Variants in TRPM4 observed in about 807,000 individuals in gnomAD.
TRPM4 encodes transient receptor potential cation channel subfamily M member 4.
In TRPM4, 124 loss-of-function variants were observed where a neutral mutation model predicts 135.6. The ratio of observed to expected loss-of-function variants is 0.91; its 90% CI spans 0.79 to 1.06. The LOEUF (loss-of-function observed/expected upper bound fraction) is 1.06, where lower values mean the gene tolerates loss of function less well. TRPM4 is among the 50% of genes least tolerant of loss of function. The pLI is 0.00. For synonymous variants in TRPM4, 745 were observed against 705.6 expected (o/e 1.06, Z -0.88); for missense variants, 1,658 against 1,671.4 (o/e 0.99, Z 0.14).
chr19:49,158,379 G>A, intron 2 of TRPM4, 120 bp downstream of exon 2: 1 of 929,180 alleles, frequency 1.1e-6, no homozygotes, highest in Non-Finnish European at 1.8e-6. Context: ...CTTCCCAAGG[G>A]CGTTCCTTGC....
intron 12 of TRPM4, among the ~76,000 whole-genome samples, chr19:49,184,336 C>A (rs1297490177): frequency 1.3e-5 from 2 of 149,270 alleles, no homozygotes; most frequent in East Asian, 4.0e-4. Context: ...ATTCACTGAT[C>A]TTTATTTTGC....
At chr19:49,208,352 T>TC (rs1969227363) in intron 20 of TRPM4, among the ~76,000 whole-genome samples, 1 of 151,882 alleles carries the variant, frequency 6.6e-6, no homozygotes, top group Non-Finnish European at 1.5e-5. Context: ...AGACTCCCTT[T>TC]CCCGGTCTGC....
Position 49,171,913 on chromosome 19 carries a change from C to A in TRPM4, c.1051-96C>A. 2 of 1,370,560 alleles carry A rather than the reference C, an allele frequency of 1.5e-6. No homozygotes were observed. The highest frequency in any genetic ancestry group is 1.2e-5 in the South Asian group (1 of 85,426). 84.9% of individuals were successfully genotyped at this position (1,370,560 alleles called of 1,614,324 possible). A position where few individuals can be genotyped will look rare whatever the true frequency, so the allele number is the denominator to read the frequency against. On this transcript the variant is annotated intron_variant, in intron 8 of 24. Coordinates refer to ENST00000252826, the MANE Select transcript of TRPM4 (RefSeq NM_017636.4). This position sits in a 1 kb window ranked among gnomAD's most constrained non-coding sequence, Gnocchi z 4.7. Reference sequence around the variant, plus strand: ...GTGCTGGGCATATAGACTATTAGGTCCTGGAGGGGAATGGCCTCCTCCATC... The same window carrying A: ...GTGCTGGGCATATAGACTATTAGGTACTGGAGGGGAATGGCCTCCTCCATC...
intron 16 of TRPM4, among the ~76,000 whole-genome samples, chr19:49,195,702 T>C (rs1412011404): frequency 6.8e-6 from 1 of 147,804 alleles, no homozygotes; most frequent in South Asian, 2.1e-4. Context: ...TTTTTTTTTT[T>C]AGACAGGGTC....
chr19:49,204,420 G>A (rs996244637), intron 20 of TRPM4, among the ~76,000 whole-genome samples: 4 of 152,010 alleles, frequency 2.6e-5, no homozygotes, highest in African/African-American at 9.7e-5. Context: ...GCCAACACTT[G>A]TTATTTTCCT....
intron 2 of TRPM4, among the ~76,000 whole-genome samples, chr19:49,160,483 C>CAAAAAAA (rs555159944): frequency 1.5e-5 from 1 of 67,846 alleles, no homozygotes; most frequent in African/African-American, 4.7e-5. Flanking sequence ...GACTCCATCT[C>CAAAAAAA]AAAAAAAAAA....
At chr19:49,169,040 TA>T (rs928898589) in intron 6 of TRPM4, among the ~76,000 whole-genome samples, 3 of 149,046 alleles carry the variant, frequency 2.0e-5, no homozygotes, top group African/African-American at 7.4e-5. Flanking sequence ...TAATAAAGAA[TA>T]AAAAATAAAT....
At position 49,167,936 on chromosome 19, in the gene TRPM4, G is replaced by A. The variant is rs564940023; in HGVS notation, c.287G>A (p.Arg96Gln). 1.4e-5 allele frequency: 23 copies of A among 1,613,814 alleles called. No homozygotes were observed. The highest frequency in any genetic ancestry group is 2.2e-5 in the East Asian group (1 of 44,890). The stretch of plus-strand genomic sequence containing the variant: ...CCACAGTTCCTCCGGCTCTCTGACC[G>A]AACGGATCCAGCTGCAGTTTATAGT... ...KHSNFLRLSD[R>Q]TDPAAVYSLV... Residue 96 changes from arginine to glutamine, a missense_variant, in exon 4 of 25, where the codon CGA (arginine) becomes CAA (glutamine). Transcript: ENST00000252826.
rs1331083777 is a variant in TRPM4, at chr19:49,210,597, A to T, written c.3329-113A>T. Reference sequence around the variant, plus strand: ...GGGTGAGGGGCGGGGCATGTTCTCGAATCACCAGGGGCTGGGTCTGGGATA... The same window carrying T: ...GGGTGAGGGGCGGGGCATGTTCTCGTATCACCAGGGGCTGGGTCTGGGATA... On this transcript the variant is annotated intron_variant, in intron 21 of 24. Coordinates refer to ENST00000252826, the MANE Select transcript of TRPM4 (RefSeq NM_017636.4). The surrounding 1 kb of genome is among the most constrained non-coding windows in gnomAD (Gnocchi z 4.1). 6.4e-7 allele frequency: 1 copy of T among 1,552,842 alleles called. No homozygotes were observed. Among genetic ancestry groups the T allele is most frequent in the Non-Finnish European group, 8.8e-7 (1 of 1,131,934 alleles).
chr19:49,188,115 G>A (rs1968265953), intron 12 of TRPM4, among the ~76,000 whole-genome samples: 1 of 152,148 alleles, frequency 6.6e-6, no homozygotes, highest in Admixed American at 6.5e-5. Flanking sequence ...GGCAAGATGG[G>A]GGTCTTTGGG....
intron 1 of TRPM4, 146 bp from the exon 2 acceptor site, chr19:49,158,046 C>A: frequency 4.8e-6 from 6 of 1,254,834 alleles, no homozygotes; most frequent in Non-Finnish European, 5.7e-6. Context: ...GGGGTCGAGA[C>A]TCCTGAGTCT....
chr19:49,182,675 TC>T lies in TRPM4; in HGVS notation c.1363del (p.Leu455Ter). 6.2e-7 allele frequency: 1 copy of T among 1,614,200 alleles called. No homozygotes were observed. The highest frequency in any genetic ancestry group is 8.5e-7 in the Non-Finnish European group (1 of 1,180,030). On this transcript the variant is annotated frameshift_variant, in exon 11 of 25. Coordinates refer to ENST00000252826, the MANE Select transcript of TRPM4 (RefSeq NM_017636.4). LOFTEE classifies it high-confidence loss of function. The part of the protein sequence containing the change: ...LISHGLSLGH[F>X]LTPMRLAQLY... ...TCCCACGGCCTCAGCCTGGGCCACT[TC>T]CTGACCCCGATGCGCCTGGCCCAAC... is the stretch of plus-strand genomic sequence containing the variant.
rs1319758577 is a variant in TRPM4, at chr19:49,210,777, T to C, written c.3396T>C (p.Phe1132=). The C allele has an allele frequency of 1.2e-6, 2 of 1,614,060 alleles. No individual in the cohort carries two copies. The highest frequency in any genetic ancestry group is 8.5e-7 in the Non-Finnish European group (1 of 1,180,034). Reference sequence around the variant, plus strand: ...GGGAATCGGTGCATAAGGAGAACTTTCTGCTGGCACGCGCTAGGGACAAGC... The same window carrying C: ...GGGAATCGGTGCATAAGGAGAACTTCCTGCTGGCACGCGCTAGGGACAAGC... ...LTWESVHKEN[F]LLARARDKRE... is the part of the protein sequence containing the mutation. Residue 1132 remains phenylalanine, a synonymous_variant, in exon 22 of 25, where the codon TTT becomes TTC. Coordinates refer to ENST00000252826, the MANE Select transcript of TRPM4 (RefSeq NM_017636.4). This position sits in a 1 kb window ranked among gnomAD's most constrained non-coding sequence, Gnocchi z 4.1.
At chr19:49,204,676 C>T (rs114409584) in intron 20 of TRPM4, among the ~76,000 whole-genome samples, 41 of 152,142 alleles carry the variant, frequency 2.7e-4, no homozygotes, top group African/African-American at 7.2e-4. Context: ...ACTACAGTTA[C>T]GTGCCACCAT....
At chr19:49,183,252 G>C in intron 12 of TRPM4, 40 bp downstream of exon 12, 1 of 1,613,178 alleles carries the variant, frequency 6.2e-7, no homozygotes, top group Middle Eastern at 1.7e-4. Context: ...CTGTCCTTTA[G>C]GCCACTGGAT....
chr19:49,158,783 G>T (rs114162796), intron 2 of TRPM4: 3,427 of 161,366 alleles, frequency 0.021, 122 homozygotes, highest in African/African-American at 0.076. Flanking sequence ...ATCAAAAGAG[G>T]CTTGATCTCC....
At chr19:49,184,731 G>A (rs966779236) in intron 12 of TRPM4, among the ~76,000 whole-genome samples, 2 of 151,092 alleles carry the variant, frequency 1.3e-5, no homozygotes, top group Non-Finnish European at 2.9e-5. Flanking sequence ...TGCCCTCCTC[G>A]GCCTCCCAAA....
At chr19:49,181,609 G>A (rs1442137034) in intron 10 of TRPM4, 148 bp downstream of exon 10, 6 of 611,016 alleles carry the variant, frequency 9.8e-6, no homozygotes, top group South Asian at 4.1e-5. Context: ...CCAGCTCACT[G>A]CAAGCTCCGC....
chr19:49,200,602 T>C lies in TRPM4; in HGVS notation c.2779-9T>C, dbSNP rs370900806. ...GGGCGGGGCCAGACTCAGCCACATC[T>C]CCCCACAGATGAAGGACGTGTTCTT... is the stretch of plus-strand genomic sequence containing the variant. On this transcript the variant is annotated splice_polypyrimidine_tract_variant and intron_variant, in intron 18 of 24. Transcript: ENST00000252826. The C allele has an allele frequency of 1.2e-6, 2 of 1,611,808 alleles. No homozygotes were observed. Among genetic ancestry groups the C allele is most frequent in the Middle Eastern group, 3.3e-4 (2 of 6,060 alleles).
Sources: gnomAD v4.1 joint callset for allele counts (sites outside exome capture counted in the v4.1 genomes callset) on GRCh38, gnomAD v4.1.1 for gene constraint, Gnocchi (gnomAD v3.1) non-coding constraint, MANE v1.5 for transcripts, NCBI Gene and HGNC (gene_info 2026-07-23, HGNC 2026-07-21) for gene names.